ADGRE3: variants seen among roughly 807,000 people sequenced by gnomAD.
ADGRE3 encodes the protein EGF-like module receptor 3.
In ADGRE3, 88 loss-of-function variants were observed where a neutral mutation model predicts 80.1. That is an observed-to-expected ratio of 1.10 (90% confidence interval 0.93 to 1.31). The LOEUF (loss-of-function observed/expected upper bound fraction) is 1.31, where lower values mean the gene tolerates loss of function less well. ADGRE3 is among the 40% of genes most tolerant of loss of function. ADGRE3 has a pLI of 0.00. For synonymous variants in ADGRE3, 281 were observed against 294.8 expected, an observed-to-expected ratio of 0.95 and a Z score of 0.48; for missense variants, 715 against 776.5, an observed-to-expected ratio of 0.92 and a Z score of 0.94.
intron 1 of ADGRE3, among the ~76,000 whole-genome samples, chr19:14,669,304 C>T (rs927928444): frequency 6.6e-6 from 1 of 152,084 alleles, no homozygotes; most frequent in African/African-American, 2.4e-5. Context: ...AGTGAACTCA[C>T]TCAGAAGCAG....
intron 15 of ADGRE3, among the ~76,000 whole-genome samples, chr19:14,620,428 G>T: frequency 1.4e-5 from 2 of 143,672 alleles, no homozygotes; most frequent in East Asian, 2.0e-4. Flanking sequence ...ATGTATATAT[G>T]AATATATATG....
At chr19:14,620,455 T>C (rs1468301383) in intron 15 of ADGRE3, among the ~76,000 whole-genome samples, 47 of 132,278 alleles carry the variant, frequency 3.6e-4, no homozygotes, top group African/African-American at 1.1e-3. Flanking sequence ...CATGTATATA[T>C]GAATATATGA....
intron 15 of ADGRE3, among the ~76,000 whole-genome samples, chr19:14,621,296 T>C (rs1020378133): frequency 1.3e-5 from 2 of 151,070 alleles, no homozygotes; most frequent in Non-Finnish European, 2.9e-5. Context: ...CTACTAAAAA[T>C]ACAAAAAAAT....
chr19:14,650,636 TCTCTCTCTCTC>T (rs1971572656), intron 7 of ADGRE3, among the ~76,000 whole-genome samples: 5 of 85,394 alleles, frequency 5.9e-5, no homozygotes, highest in Non-Finnish European at 1.2e-4. Context: ...TCCATCTCTC[TCTCTCTCTCTC>T]TCTCTCTCTC....
At chr19:14,602,703 C>G in the ADGRE3 span, among the ~76,000 whole-genome samples, 2 of 151,518 alleles carry the variant, frequency 1.3e-5, no homozygotes, top group Non-Finnish European at 2.9e-5. Context: ...TTTTTTATCC[C>G]TCTGTTTCAT....
In ADGRE3 at chr19:14,638,114, G is replaced by A; in HGVS notation, c.1475C>T (p.Thr492Ile). 1 of 1,613,088 alleles carries A rather than the reference G, an allele frequency of 6.2e-7. No homozygotes were observed. The highest frequency in any genetic ancestry group is 8.5e-7 in the Non-Finnish European group (1 of 1,179,066). ...SAASWPHLYG[T>I]ADRCWLHLDQ... Reference sequence around the variant, plus strand: ...TGGGATTCAAGCTCACCGATCAGCAGTTCCATAAAGGTGAGGCCAGGAGGC... The same window carrying A: ...TGGGATTCAAGCTCACCGATCAGCAATTCCATAAAGGTGAGGCCAGGAGGC... The change falls in exon 11 of 16, where the codon ACT becomes ATT. Residue 492 changes from threonine (T) to isoleucine (I), a missense_variant. Physicochemically the swap from Thr to Ile is moderately conservative, Grantham distance 89. Transcript: ENST00000253673.
intron 8 of ADGRE3, among the ~76,000 whole-genome samples, chr19:14,646,669 C>G (rs1971409609): frequency 1.2e-5 from 1 of 84,858 alleles, no homozygotes; most frequent in Non-Finnish European, 2.3e-5. Context: ...TCCTCCCTCC[C>G]TCCCTCCCTC....
intron 13 of ADGRE3, 109 bp downstream of exon 13, chr19:14,632,812 T>A (rs1266469948): frequency 1.5e-5 from 10 of 656,618 alleles, no homozygotes; most frequent in Non-Finnish European, 2.2e-5. Flanking sequence ...AAGATTACAG[T>A]GGTCTTGCTA....
chr19:14,649,125 TCC>T (rs944870044), intron 7 of ADGRE3, among the ~76,000 whole-genome samples: 8 of 149,922 alleles, frequency 5.3e-5, no homozygotes, highest in African/African-American at 1.7e-4. Context: ...TCTCTCGAAT[TCC>T]GTCTCTCTCT....
chr19:14,611,745 T>C, the ADGRE3 span, among the ~76,000 whole-genome samples: 1 of 152,162 alleles, frequency 6.6e-6, no homozygotes, highest in Non-Finnish European at 1.5e-5. Context: ...CTCACGCCTG[T>C]AATCCCAGCA....
chr19:14,632,216 T>C (rs891237993), intron 13 of ADGRE3, among the ~76,000 whole-genome samples: 3 of 152,198 alleles, frequency 2.0e-5, no homozygotes, highest in African/African-American at 7.2e-5. Flanking sequence ...GGACATAGCT[T>C]TGTGACATTA....
intron 8 of ADGRE3, among the ~76,000 whole-genome samples, chr19:14,646,241 C>T (rs1246472514): frequency 6.6e-5 from 10 of 151,814 alleles, no homozygotes; most frequent in Admixed American, 6.6e-4. Flanking sequence ...TCCTGCCTCA[C>T]CCTCCCAAGT....
At chr19:14,650,629 A>ATCTCTCTC (rs376333448) in intron 7 of ADGRE3, among the ~76,000 whole-genome samples, 3 of 24,912 alleles carry the variant, frequency 1.2e-4, no homozygotes, top group Non-Finnish European at 2.2e-4. Flanking sequence ...CTCTGTCTCC[A>ATCTCTCTC]TCTCTCTCTC....
chr19:14,650,381 T>C (rs1044407674), intron 7 of ADGRE3, among the ~76,000 whole-genome samples: 1 of 148,092 alleles, frequency 6.8e-6, no homozygotes, highest in Non-Finnish European at 1.5e-5. Context: ...TTTCCATCTC[T>C]CTCCCCTTCT....
At chr19:14,627,966 TA>T (rs1970778295) in intron 14 of ADGRE3, among the ~76,000 whole-genome samples, 1 of 151,174 alleles carries the variant, frequency 6.6e-6, no homozygotes, top group Non-Finnish European at 1.5e-5. Context: ...CTGTCTCTAT[TA>T]AAAACACAAA....
chr19:14,602,901 A>C, the ADGRE3 span, among the ~76,000 whole-genome samples: 48 of 152,014 alleles, frequency 3.2e-4, no homozygotes, highest in Non-Finnish European at 5.0e-4. Context: ...ATGCCTGGCT[A>C]ATTTTGTACT....
chr19:14,617,290 T>TCTCTCTCTATTC (rs2075080428), downstream of ADGRE3, among the ~76,000 whole-genome samples: 1 of 151,140 alleles, frequency 6.6e-6, no homozygotes, highest in African/African-American at 2.4e-5. Context: ...TCTTTCTCTT[T>TCTCTCTCTATTC]CTCTCTCTCT....
chr19:14,610,265 T>A, the ADGRE3 span: 1 of 1,531,608 alleles, frequency 6.5e-7, no homozygotes, highest in South Asian at 1.2e-5. Context: ...TGCCCTTTCG[T>A]GGACGGCCTT....
the ADGRE3 span, among the ~76,000 whole-genome samples, chr19:14,608,628 ATTTTTTTTTT>A: frequency 8.4e-6 from 1 of 119,748 alleles, no homozygotes; most frequent in East Asian, 2.4e-4. Flanking sequence ...ATGAGGAAGA[ATTTTTTTTTT>A]TTTTTTTTTT....
Sources: gnomAD v4.1 joint callset for allele counts (sites outside exome capture counted in the v4.1 genomes callset) on GRCh38, gnomAD v4.1.1 for gene constraint, MANE v1.5 for transcripts, NCBI Gene and HGNC (gene_info 2026-07-23, HGNC 2026-07-21) for gene names.